The following ABTB3 variants were observed in gnomAD, a reference collection of about 807,000 sequenced individuals.
The protein encoded by ABTB3 is ankyrin repeat- and BTB/POZ domain-containing protein 3.
At chr12:107,407,475 T>C in the ABTB3 span, among the ~76,000 whole-genome samples, 1 of 152,202 alleles carries the variant, frequency 6.6e-6, no homozygotes, top group Non-Finnish European at 1.5e-5. Context: ...TCAGATCTGC[T>C]CCACGTGTGT....
the ABTB3 span, among the ~76,000 whole-genome samples, chr12:107,397,752 C>T: frequency 6.6e-6 from 1 of 152,096 alleles, no homozygotes; most frequent in East Asian, 1.9e-4. Context: ...ATGTTTAGGT[C>T]ATTCATCCAT....
the ABTB3 span, among the ~76,000 whole-genome samples, chr12:107,632,819 G>T: frequency 6.6e-6 from 1 of 152,300 alleles, no homozygotes; most frequent in East Asian, 1.9e-4. Flanking sequence ...TGTGGCTGTA[G>T]GACTGAGGTC....
At chr12:107,356,220 G>T in the ABTB3 span, among the ~76,000 whole-genome samples, 1 of 152,214 alleles carries the variant, frequency 6.6e-6, no homozygotes, top group Non-Finnish European at 1.5e-5. Context: ...GGTAGGCTGT[G>T]TCTGTGTTTT....
the ABTB3 span, among the ~76,000 whole-genome samples, chr12:107,450,974 A>G: frequency 2.0e-5 from 3 of 151,962 alleles, no homozygotes; most frequent in African/African-American, 7.3e-5. Context: ...TGCTCCTTCA[A>G]TATGTGTTTT....
At chr12:107,319,494 C>T in the ABTB3 span, 1 of 1,592,722 alleles carries the variant, frequency 6.3e-7, no homozygotes, top group Non-Finnish European at 8.5e-7. Flanking sequence ...GCGCTGGCCG[C>T]ACTGTCCCTC....
chr12:107,442,707 G>A, the ABTB3 span, among the ~76,000 whole-genome samples: 2 of 152,252 alleles, frequency 1.3e-5, no homozygotes, highest in Non-Finnish European at 2.9e-5. Flanking sequence ...TGGAGGCCCA[G>A]GGGGACTCTT....
chr12:107,533,853 C>G, the ABTB3 span, among the ~76,000 whole-genome samples: 6 of 152,176 alleles, frequency 3.9e-5, no homozygotes, highest in Non-Finnish European at 8.8e-5. Flanking sequence ...GGAATATTCT[C>G]CAGTTTAGAC....
chr12:107,530,289 A>G, the ABTB3 span, among the ~76,000 whole-genome samples: 1 of 152,254 alleles, frequency 6.6e-6, no homozygotes, highest in African/African-American at 2.4e-5. Flanking sequence ...CTTCCTTTTG[A>G]ATCTTCTTGT....
At chr12:107,473,221 C>T in the ABTB3 span, among the ~76,000 whole-genome samples, 3 of 152,178 alleles carry the variant, frequency 2.0e-5, no homozygotes, top group African/African-American at 7.2e-5. Flanking sequence ...TGCCTTTTTA[C>T]CACCTGAACA....
At chr12:107,443,306 G>A in the ABTB3 span, among the ~76,000 whole-genome samples, 3 of 151,678 alleles carry the variant, frequency 2.0e-5, no homozygotes, top group Non-Finnish European at 2.9e-5. Flanking sequence ...AGTTGCTCAC[G>A]GCTGTAATCC....
chr12:107,652,479 GA>G, the ABTB3 span, among the ~76,000 whole-genome samples: 1 of 152,188 alleles, frequency 6.6e-6, no homozygotes, highest in Non-Finnish European at 1.5e-5. Context: ...CTTCCCAGGT[GA>G]TTCTCAGATG....
At chr12:107,383,910 T>A in the ABTB3 span, among the ~76,000 whole-genome samples, 1 of 152,162 alleles carries the variant, frequency 6.6e-6, no homozygotes, top group African/African-American at 2.4e-5. Context: ...TGTGAAAGCT[T>A]CCAGGGAGCT....
At chr12:107,608,156 C>G in the ABTB3 span, among the ~76,000 whole-genome samples, 1 of 152,148 alleles carries the variant, frequency 6.6e-6, no homozygotes, top group Non-Finnish European at 1.5e-5. Flanking sequence ...GGCGGACAGG[C>G]ACACATGGAG....
the ABTB3 span, among the ~76,000 whole-genome samples, chr12:107,367,605 C>CAA: frequency 2.0e-5 from 3 of 152,278 alleles, no homozygotes; most frequent in East Asian, 3.9e-4. Context: ...CCTCCCAGCT[C>CAA]AAGCGATTCT....
At chr12:107,620,826 T>C in the ABTB3 span, among the ~76,000 whole-genome samples, 1 of 152,270 alleles carries the variant, frequency 6.6e-6, no homozygotes, top group African/African-American at 2.4e-5. Context: ...TATTACAACA[T>C]TAATTCTTAA....
At chr12:107,646,734 C>T in the ABTB3 span, among the ~76,000 whole-genome samples, 1 of 152,220 alleles carries the variant, frequency 6.6e-6, no homozygotes, top group African/African-American at 2.4e-5. Flanking sequence ...TTGCTGTGTG[C>T]CAAGCCCTGG....
chr12:107,337,826 A>G, the ABTB3 span, among the ~76,000 whole-genome samples: 1 of 152,242 alleles, frequency 6.6e-6, no homozygotes, highest in Non-Finnish European at 1.5e-5. Flanking sequence ...CATTAGGTGA[A>G]TAATTGTTGA....
chr12:107,606,542 T>G, the ABTB3 span, among the ~76,000 whole-genome samples: 3 of 152,136 alleles, frequency 2.0e-5, no homozygotes, highest in African/African-American at 7.2e-5. Context: ...CCAATAACGT[T>G]TATCCAGTCA....
At chr12:107,386,860 T>G in the ABTB3 span, among the ~76,000 whole-genome samples, 1 of 150,298 alleles carries the variant, frequency 6.7e-6, no homozygotes, top group Admixed American at 6.6e-5. Context: ...CTTTCCTGGG[T>G]GGGAGGCCGA....
Sources: gnomAD v4.1 joint callset for allele counts (sites outside exome capture counted in the v4.1 genomes callset) on GRCh38, gnomAD v4.1.1 for gene constraint, MANE v1.5 for transcripts, NCBI Gene and HGNC (gene_info 2026-07-23, HGNC 2026-07-21) for gene names.